Variants in ALLC observed in about 807,000 individuals in gnomAD.
The protein encoded by ALLC is probable inactive allantoicase.
A neutral mutation model predicts 45.0 loss-of-function variants in ALLC; 40 were observed. The ratio of observed to expected loss-of-function variants is 0.89; its 90% CI spans 0.69 to 1.16. The LOEUF (loss-of-function observed/expected upper bound fraction) is 1.16, where lower values mean the gene tolerates loss of function less well. Ranked by LOEUF, ALLC falls within the 50% of genes most tolerant of loss-of-function variation. The probability of loss-of-function intolerance (pLI) is 0.00; values close to 1 mark genes in which losing one functional copy is unlikely to be tolerated. For synonymous variants in ALLC, 176 were observed against 178.1 expected, an observed-to-expected ratio of 0.99 and a Z score of 0.09; for missense variants, 488 against 493.1, an observed-to-expected ratio of 0.99 and a Z score of 0.10.
At chr2:3,656,610 GC>G (rs1666445016), upstream of ALLC, among the ~76,000 whole-genome samples, 1 of 152,242 alleles carries the variant, frequency 6.6e-6, no homozygotes, top group African/African-American at 2.4e-5. Context: ...AGCTGGCAGA[GC>G]CCTGTGCTCA....
At chr2:3,697,706 C>CAT (rs1667718650) in intron 10 of ALLC, among the ~76,000 whole-genome samples, 2 of 151,854 alleles carry the variant, frequency 1.3e-5, no homozygotes, top group Non-Finnish European at 2.9e-5. Context: ...TGCTGTGTCG[C>CAT]CCAGCCTGGA....
Position 3,680,854 on chromosome 2 carries a change from C to T in ALLC, c.299-780C>T, listed in dbSNP as rs759535154. 6.2e-4 allele frequency among the ~76,000 whole-genome samples: 94 copies of T among 152,120 alleles called. 3 individuals are homozygous for T. The highest frequency in any genetic ancestry group is 1.6e-4 in the Non-Finnish European group (11 of 68,028). Reference sequence around the variant, plus strand: ...ACAGTAAATCAAGTTGGAAGCAGGACGTGTTCACAGGATTGAGGCTAATCA... The same window carrying T: ...ACAGTAAATCAAGTTGGAAGCAGGATGTGTTCACAGGATTGAGGCTAATCA... On this transcript the variant is annotated intron_variant, in intron 5 of 11. Transcript: ENST00000252505. This position sits in a 1 kb window ranked among gnomAD's most constrained non-coding sequence, Gnocchi z 4.0.
Position 3,680,439 on chromosome 2 carries a change from G to A in ALLC, c.298+445G>A, listed in dbSNP as rs1327122166. Among the ~76,000 whole-genome samples, 3 of 152,014 alleles carry A rather than the reference G, an allele frequency of 2.0e-5. No homozygotes were observed. Among genetic ancestry groups the A allele is most frequent in the African/African-American group, 7.3e-5 (3 of 41,320 alleles). On this transcript the variant is annotated intron_variant, in intron 5 of 11. Transcript: ENST00000252505. The surrounding 1 kb of genome is among the most constrained non-coding windows in gnomAD (Gnocchi z 4.0). ...AGCTGCTATGGCATTTTAGGCAAGG[G>A]TTCCTATCTGCATCTTGGAATGCTG...
the ALLC span, among the ~76,000 whole-genome samples, chr2:3,649,811 G>C: frequency 1.3e-5 from 2 of 152,372 alleles, no homozygotes; most frequent in Admixed American, 6.5e-5. Flanking sequence ...GAGGAAACCA[G>C]AGTGCCCAGA....
At chr2:3,646,595 T>A in the ALLC span, among the ~76,000 whole-genome samples, 1 of 152,212 alleles carries the variant, frequency 6.6e-6, no homozygotes, top group African/African-American at 2.4e-5. Flanking sequence ...GATGTACAGC[T>A]GGAGAAGCAG....
chr2:3,692,244 T>G (rs983239563), intron 7 of ALLC, among the ~76,000 whole-genome samples: 6 of 152,210 alleles, frequency 3.9e-5, no homozygotes, highest in African/African-American at 1.4e-4. Flanking sequence ...CAGTTTTTGT[T>G]GAATATATTT....
Position 3,683,085 on chromosome 2 carries a change from C to T in ALLC, c.511+11C>T. The T allele has an allele frequency of 6.2e-7, 1 of 1,611,536 alleles. No homozygotes were observed. Among genetic ancestry groups the T allele is most frequent in the African/African-American group, 1.3e-5 (1 of 74,952 alleles). On this transcript the variant is annotated intron_variant, in intron 7 of 11. Coordinates refer to ENST00000252505, the MANE Select transcript of ALLC (RefSeq NM_018436.4). Reference sequence around the variant, plus strand: ...TCAACATTTTCCCAGGTAATCGTGACATGGACTTATCACCAGTTCCATGGC... The same window carrying T: ...TCAACATTTTCCCAGGTAATCGTGATATGGACTTATCACCAGTTCCATGGC...
At chr2:3,698,381 C>G (rs1023717303) in intron 10 of ALLC, among the ~76,000 whole-genome samples, 1 of 152,166 alleles carries the variant, frequency 6.6e-6, no homozygotes, top group African/African-American at 2.4e-5. Context: ...CTGCATCCCC[C>G]TTGGAAAAAG....
chr2:3,680,053 C>G lies in ALLC; in HGVS notation c.298+59C>G. 2.5e-6 allele frequency: 4 copies of G among 1,604,612 alleles called. No individual in the cohort carries two copies. ...TTATGGGTCACATGGCTCCTCTGGCCAGCCACAGCCCCACAACTGCTCACT... is the reference window on the plus strand; with the variant it reads ...TTATGGGTCACATGGCTCCTCTGGCGAGCCACAGCCCCACAACTGCTCACT... On this transcript the variant is annotated intron_variant, in intron 5 of 11. Coordinates refer to ENST00000252505, the MANE Select transcript of ALLC (RefSeq NM_018436.4). This position sits in a 1 kb window ranked among gnomAD's most constrained non-coding sequence, Gnocchi z 4.0.
intron 10 of ALLC, among the ~76,000 whole-genome samples, chr2:3,700,520 A>C (rs1667797855): frequency 6.6e-6 from 1 of 152,216 alleles, no homozygotes; most frequent in Admixed American, 6.5e-5. Flanking sequence ...CAGACACCCA[A>C]AACTGCAACA....
chr2:3,683,977 A>G (rs368662633), intron 7 of ALLC, among the ~76,000 whole-genome samples: 91 of 152,280 alleles, frequency 6.0e-4, no homozygotes, highest in African/African-American at 2.1e-3. Flanking sequence ...CCACTACCAC[A>G]TTTTGTTTAC....
chr2:3,647,455 C>G, the ALLC span, among the ~76,000 whole-genome samples: 1 of 152,086 alleles, frequency 6.6e-6, no homozygotes, highest in Non-Finnish European at 1.5e-5. Flanking sequence ...CCCATCCTGC[C>G]GCAGAGTATT....
chr2:3,655,523 A>G (rs1558530603), upstream of ALLC, among the ~76,000 whole-genome samples: 1 of 152,208 alleles, frequency 6.6e-6, no homozygotes, highest in Non-Finnish European at 1.5e-5. Flanking sequence ...TGGTGCGATC[A>G]CAGCTCATTG....
chr2:3,651,795 A>G, the ALLC span, among the ~76,000 whole-genome samples: 51 of 151,986 alleles, frequency 3.4e-4, no homozygotes, highest in Non-Finnish European at 6.5e-4. Flanking sequence ...GTGGCTCTCA[A>G]TCGTCCTTAT....
chr2:3,657,763 A>T (rs556390534), upstream of ALLC, among the ~76,000 whole-genome samples: 1 of 152,018 alleles, frequency 6.6e-6, no homozygotes, highest in East Asian at 2.0e-4. Flanking sequence ...TTTAAATTCC[A>T]TGAAAATTTT....
intron 10 of ALLC, among the ~76,000 whole-genome samples, chr2:3,698,930 C>G (rs1667752817): frequency 6.6e-6 from 1 of 152,178 alleles, no homozygotes; most frequent in South Asian, 2.1e-4. Context: ...ATATCAAATT[C>G]AAGGCCAGGC....
At chr2:3,651,124 G>A in the ALLC span, among the ~76,000 whole-genome samples, 1 of 151,562 alleles carries the variant, frequency 6.6e-6, no homozygotes, top group Non-Finnish European at 1.5e-5. Flanking sequence ...GGGCTGAGAT[G>A]GATGAGCGCA....
intron 3 of ALLC, 54 bp from the exon 4 acceptor site, chr2:3,678,414 A>G (rs2148004927): frequency 6.7e-7 from 1 of 1,483,340 alleles, no homozygotes; most frequent in Non-Finnish European, 9.4e-7. Flanking sequence ...ACTTGCTGGA[A>G]GCCAGGAGAT....
chr2:3,663,862 G>C (rs1666633025), intron 1 of ALLC, among the ~76,000 whole-genome samples: 1 of 152,238 alleles, frequency 6.6e-6, no homozygotes, highest in South Asian at 2.1e-4. Context: ...TTTCTGTAAT[G>C]ATGGAAAATC....
Sources: allele counts gnomAD v4.1 joint callset (sites outside exome capture counted in the v4.1 genomes callset), GRCh38; gene constraint gnomAD v4.1.1; non-coding constraint Gnocchi (gnomAD v3.1); transcripts MANE v1.5; gene names NCBI Gene and HGNC (gene_info 2026-07-23, HGNC 2026-07-21).